Variants in TIRAP observed in about 807,000 individuals in gnomAD.
The protein encoded by TIRAP is TIR domain containing adaptor protein.
Under a neutral mutation model 19.8 loss-of-function variants are expected in TIRAP, and 20 were observed. That is an observed-to-expected ratio of 1.01 (90% CI 0.71 to 1.47). The LOEUF (loss-of-function observed/expected upper bound fraction) is 1.47. Ranked by LOEUF, TIRAP falls within the 40% of genes most tolerant of loss-of-function variation. TIRAP has a pLI of 0.00. For missense variants in TIRAP, 276 were observed against 285.1 expected (o/e 0.97, Z 0.23); for synonymous variants, 125 against 121.7 (o/e 1.03, Z -0.18).
rs1399355017 is a variant in TIRAP, at chr11:126,285,263, T to TATATATATA, written c.-217+2116_-217+2117insATAATATAT. Among the ~76,000 whole-genome samples, 4 of 134,328 alleles carry TATATATATA rather than the reference T, an allele frequency of 3.0e-5. No homozygotes were observed. The South Asian group carries it at 7.3e-4, about 25-fold the overall frequency. 88.1% of individuals were successfully genotyped at this position (134,328 alleles called of 152,430 possible). On this transcript the variant is annotated intron_variant, in intron 1 of 4. Coordinates refer to ENST00000392679, the MANE Select transcript of TIRAP (RefSeq NM_001318777.2). ...TGTGTGTATATATATATATATATAA[T>TATATATATA]ATATATTTTATTTGATTTTTGAGAC... is the stretch of plus-strand genomic sequence containing the variant.
intron 3 of TIRAP, among the ~76,000 whole-genome samples, chr11:126,292,251 C>G (rs1951398872): frequency 6.9e-6 from 1 of 145,248 alleles, no homozygotes; most frequent in African/African-American, 2.5e-5. Context: ...TTGCAGTGAG[C>G]CAAGATCGCA....
In TIRAP at chr11:126,288,953, A is replaced by G. The variant is rs1489227544; in HGVS notation, c.-216-1509A>G. Among the ~76,000 whole-genome samples, 1 of 152,204 alleles carries G rather than the reference A, an allele frequency of 6.6e-6. No homozygotes were observed. The highest frequency in any genetic ancestry group is 1.5e-5 in the Non-Finnish European group (1 of 68,030). Reference sequence around the variant, plus strand: ...GACATCATGTTTACTACTGGGGGCAAAAAGGCATCCTGAACGGCCCTAGCT... The same window carrying G: ...GACATCATGTTTACTACTGGGGGCAGAAAGGCATCCTGAACGGCCCTAGCT... On this transcript the variant is annotated intron_variant, in intron 1 of 4. Transcript: ENST00000392679. This position sits in a 1 kb window ranked among gnomAD's most constrained non-coding sequence, Gnocchi z 5.0.
chr11:126,291,061 A>G lies in TIRAP; in HGVS notation c.67+100A>G, dbSNP rs1034163665. 1 of 1,407,708 alleles carries G rather than the reference A, an allele frequency of 7.1e-7. No individual in the cohort carries two copies. Among genetic ancestry groups the G allele is most frequent in the African/African-American group, 1.4e-5 (1 of 69,048 alleles). The allele number at this position is 1,407,708 out of a possible 1,614,324, so 87.2% of individuals were successfully genotyped here. A position where few individuals can be genotyped will look rare whatever the true frequency, so the allele number is the denominator to read the frequency against. ...GCCTGCCTGGTCCAAACTCAGAGAGACGCAGGAAGGCTGACGTGGGGAACT... is the reference window on the plus strand; with the variant it reads ...GCCTGCCTGGTCCAAACTCAGAGAGGCGCAGGAAGGCTGACGTGGGGAACT... On this transcript the variant is annotated intron_variant, in intron 3 of 4. Coordinates refer to ENST00000392679, the MANE Select transcript of TIRAP (RefSeq NM_001318777.2). This position sits in a 1 kb window ranked among gnomAD's most constrained non-coding sequence, Gnocchi z 5.6.
At chr11:126,289,369 C>T (rs1951356348) in intron 1 of TIRAP, among the ~76,000 whole-genome samples, 2 of 152,266 alleles carry the variant, frequency 1.3e-5, no homozygotes, top group South Asian at 2.1e-4. Context: ...ACCTCCGCCT[C>T]CAGGTTCAAG....
rs149540450 is a variant in TIRAP at position 126,285,231 on chromosome 11, A to ATGTGTGTGTGTG, written c.-217+2080_-217+2091dup. 9.2e-3 allele frequency among the ~76,000 whole-genome samples: 1,190 copies of ATGTGTGTGTGTG among 128,716 alleles called. 59 individuals carry two copies. The highest frequency in any genetic ancestry group is 0.054 in the Admixed American group (667 of 12,348). The allele number at this position is 128,716 out of a possible 152,430, so 84.4% of individuals were successfully genotyped here. On this transcript the variant is annotated intron_variant, in intron 1 of 4. Coordinates refer to ENST00000392679, the MANE Select transcript of TIRAP (RefSeq NM_001318777.2). ...GTGATATAAGACATTTATTGGATATATGTGTGTGTGTGTATATATATATAT... is the reference window on the plus strand; with the variant it reads ...GTGATATAAGACATTTATTGGATATATGTGTGTGTGTGTGTGTGTGTGTGTATATATATATAT...
In TIRAP at chr11:126,293,408, A is replaced by G. The variant is rs890953110; in HGVS notation, c.647-260A>G. The G allele has an allele frequency of 7.1e-6, 5 of 705,138 alleles. No homozygotes were observed. The African/African-American group carries it at 8.7e-5, about 12-fold the overall frequency. 43.7% of individuals were successfully genotyped at this position (705,138 alleles called of 1,614,324 possible). A position where few individuals can be genotyped will look rare whatever the true frequency, so the allele number is the denominator to read the frequency against. On this transcript the variant is annotated intron_variant, in intron 4 of 4. Coordinates refer to ENST00000392679, the MANE Select transcript of TIRAP (RefSeq NM_001318777.2). ...GTTAATAGCTAGTAGTAGTAACAGT[A>G]ATAGCATTAGGTTTCTCTGAGATCA... is the stretch of plus-strand genomic sequence containing the variant.
chr11:126,293,748 A>G lies in TIRAP; in HGVS notation c.*61A>G, dbSNP rs1421648079. The G allele has an allele frequency of 1.3e-6, 2 of 1,578,312 alleles. No homozygotes were observed. Among genetic ancestry groups the G allele is most frequent in the Admixed American group, 1.7e-5 (1 of 59,976 alleles). On this transcript the variant is annotated 3_prime_UTR_variant, in exon 5 of 5. Coordinates refer to ENST00000392679, the MANE Select transcript of TIRAP (RefSeq NM_001318777.2). ...GAAGCTAGAAACAGAAAACCCATGCAGGGCCTCGGATTCCCACAAATGTGA... is the reference window on the plus strand; with the variant it reads ...GAAGCTAGAAACAGAAAACCCATGCGGGGCCTCGGATTCCCACAAATGTGA...
chr11:126,290,433 T>C lies in TIRAP; in HGVS notation c.-216-29T>C. On this transcript the variant is annotated intron_variant, in intron 1 of 4. Transcript: ENST00000392679. This position sits in a 1 kb window ranked among gnomAD's most constrained non-coding sequence, Gnocchi z 4.9. ...CTGGATACATAATTATTTGTCCAAA[T>C]AGCAACTGTCCTTCTTCTGCCATTT... 2 of 989,574 alleles carry C rather than the reference T, an allele frequency of 2.0e-6. No homozygotes were observed. The highest frequency in any genetic ancestry group is 1.7e-5 in the African/African-American group (1 of 57,438). The allele number at this position is 989,574 out of a possible 1,614,324, so 61.3% of individuals were successfully genotyped here.
chr11:126,284,031 TTC>T (rs1235609250), intron 1 of TIRAP, among the ~76,000 whole-genome samples: 2 of 119,538 alleles, frequency 1.7e-5, no homozygotes, highest in South Asian at 6.5e-4. Context: ...TATCATGTAC[TTC>T]TTTTTTTTTT....
intron 4 of TIRAP, chr11:126,293,367 C>A: frequency 2.8e-6 from 2 of 706,824 alleles, no homozygotes; most frequent in Middle Eastern, 2.3e-4. Flanking sequence ...GCGCCTAGCA[C>A]AAATCAGGTC....
rs1392757502 is a variant in TIRAP, at chr11:126,291,731, C to T, written c.68-746C>T. 1.3e-5 allele frequency among the ~76,000 whole-genome samples: 2 copies of T among 152,002 alleles called. No homozygotes were observed. Among genetic ancestry groups the T allele is most frequent in the Non-Finnish European group, 1.5e-5 (1 of 68,024 alleles). ...GCCCTTCCTAATCTAAGTCCACCTC[C>T]CCTCAGTGCTGAAAGTGGGCTTTGG... On this transcript the variant is annotated intron_variant, in intron 3 of 4. Transcript: ENST00000392679. The surrounding 1 kb of genome is among the most constrained non-coding windows in gnomAD (Gnocchi z 5.6).
In TIRAP at chr11:126,290,120, T is replaced by C. The variant is rs1311869669; in HGVS notation, c.-216-342T>C. Among the ~76,000 whole-genome samples, 2 of 152,242 alleles carry C rather than the reference T, an allele frequency of 1.3e-5. No individual in the cohort carries two copies. The highest frequency in any genetic ancestry group is 2.9e-5 in the Non-Finnish European group (2 of 68,042). ...TTAGGACTTTACATAAATGATTTCA[T>C]TTAATCTTCACAATAATGCTGAGAA... On this transcript the variant is annotated intron_variant, in intron 1 of 4. Transcript: ENST00000392679. The surrounding 1 kb of genome is among the most constrained non-coding windows in gnomAD (Gnocchi z 4.9).
At chr11:126,285,236 T>TGC (rs1951305409) in intron 1 of TIRAP, among the ~76,000 whole-genome samples, 1 of 105,310 alleles carries the variant, frequency 9.5e-6, no homozygotes, top group Admixed American at 1.3e-4. Context: ...GATATATGTG[T>TGC]GTGTGTGTAT....
Position 126,287,439 on chromosome 11 carries a change from G to A in TIRAP, c.-216-3023G>A, listed in dbSNP as rs924873887. On this transcript the variant is annotated intron_variant, in intron 1 of 4. Transcript: ENST00000392679. The surrounding 1 kb of genome is among the most constrained non-coding windows in gnomAD (Gnocchi z 4.2). ...GGGTTCAAGTGATTCTCCTGCCTCA[G>A]CCTCCTGAGCAGCTGGGATTACAGG... Among the ~76,000 whole-genome samples, 1 of 151,870 alleles carries A rather than the reference G, an allele frequency of 6.6e-6. No individual in the cohort carries two copies. Among genetic ancestry groups the A allele is most frequent in the Admixed American group, 6.6e-5 (1 of 15,238 alleles).
rs1292778399 is a variant in TIRAP, at chr11:126,292,718, G to A, written c.309G>A (p.Leu103=). The change falls in exon 4 of 5, where the codon CTG becomes CTA. Residue 103 remains leucine (L), a synonymous_variant. Transcript: ENST00000392679. ...SEEDLVAAQD[L]VSYLEGSTAS... ...AAGACCTGGTGGCCGCCCAGGACCTGGTCTCCTACTTGGAAGGCAGCACTG... is the reference window on the plus strand; with the variant it reads ...AAGACCTGGTGGCCGCCCAGGACCTAGTCTCCTACTTGGAAGGCAGCACTG... 6.2e-7 allele frequency: 1 copy of A among 1,613,590 alleles called. No homozygotes were observed. The highest frequency in any genetic ancestry group is 1.3e-5 in the African/African-American group (1 of 75,032).
chr11:126,292,716 C>T lies in TIRAP; in HGVS notation c.307C>T (p.Leu103=). ...GGAAGACCTGGTGGCCGCCCAGGAC[C>T]TGGTCTCCTACTTGGAAGGCAGCAC... The part of the protein sequence containing the change: ...SEEDLVAAQD[L]VSYLEGSTAS... The change falls in exon 4 of 5, where the codon CTG becomes TTG. Residue 103 remains leucine, a synonymous_variant. Coordinates refer to ENST00000392679, the MANE Select transcript of TIRAP (RefSeq NM_001318777.2). The T allele has an allele frequency of 1.2e-6, 2 of 1,613,686 alleles. No individual in the cohort carries two copies. The highest frequency in any genetic ancestry group is 1.7e-6 in the Non-Finnish European group (2 of 1,179,830).
In TIRAP at chr11:126,293,734, C is replaced by T. The variant is rs199998834; in HGVS notation, c.*47C>T. On this transcript the variant is annotated 3_prime_UTR_variant, in exon 5 of 5. Transcript: ENST00000392679. ...CCGGAAATTGGAGTGAAGCTAGAAA[C>T]AGAAAACCCATGCAGGGCCTCGGAT... 1,223 of 1,608,914 alleles carry T rather than the reference C, an allele frequency of 7.6e-4. 13 individuals carry two copies. In the South Asian group the frequency reaches 7.7e-3, roughly 10 times the overall value.
chr11:126,285,243 G>GTGTGTGTGTATATATATATATA, intron 1 of TIRAP, among the ~76,000 whole-genome samples: 307 of 106,948 alleles, frequency 2.9e-3, no homozygotes, highest in African/African-American at 5.6e-3. Flanking sequence ...GTGTGTGTGT[G>GTGTGTGTGTATATATATATATA]TATATATATA....
At chr11:126,292,359 G>T in intron 3 of TIRAP, 118 bp from the exon 4 acceptor site, 1 of 1,014,556 alleles carries the variant, frequency 9.9e-7, no homozygotes, top group Non-Finnish European at 1.4e-6. Context: ...ATGTTTCCCA[G>T]TGCAGGGAGG....
Sources: gnomAD v4.1 joint callset for allele counts (sites outside exome capture counted in the v4.1 genomes callset) on GRCh38, gnomAD v4.1.1 for gene constraint, Gnocchi (gnomAD v3.1) non-coding constraint, MANE v1.5 for transcripts, NCBI Gene and HGNC (gene_info 2026-07-23, HGNC 2026-07-21) for gene names.